Variants in CACNA2D4 observed in about 807,000 individuals in gnomAD.
CACNA2D4 encodes the protein calcium voltage-gated channel auxiliary subunit alpha2delta 4.
A neutral mutation model predicts 163.8 loss-of-function variants in CACNA2D4; 157 were observed. The ratio of observed to expected loss-of-function variants is 0.96; its 90% CI spans 0.84 to 1.09. CACNA2D4 has a LOEUF of 1.09. CACNA2D4 is among the 50% of genes least tolerant of loss of function. The pLI, the probability that CACNA2D4 is intolerant of heterozygous loss-of-function variation, is 0.00. For missense variants in CACNA2D4, 1,410 were observed against 1,479.9 expected (o/e 0.95, Z 0.78); for synonymous variants, 598 against 586.9 (o/e 1.02, Z -0.27).
chr12:1,809,225 C>A (rs1863633871), intron 29 of CACNA2D4, among the ~76,000 whole-genome samples: 1 of 152,252 alleles, frequency 6.6e-6, no homozygotes, highest in African/African-American at 2.4e-5. Flanking sequence ...AAGCCGCATC[C>A]CGGTCAGGCC....
Position 1,829,474 on chromosome 12 carries a change from G to A in CACNA2D4, c.2551+11265C>T, listed in dbSNP as rs113800681. Among the ~76,000 whole-genome samples, 1,102 of 152,140 alleles carry A rather than the reference G, an allele frequency of 7.2e-3. 16 individuals carry two copies. The highest frequency in any genetic ancestry group is 0.025 in the African/African-American group (1,026 of 41,518). On this transcript the variant is annotated intron_variant, in intron 26 of 37. Transcript: ENST00000382722. This position sits in a 1 kb window ranked among gnomAD's most constrained non-coding sequence, Gnocchi z 4.2. Reference sequence around the variant, plus strand: ...CGGTGGCTTCCATGGCTGTACCTGTGCTCACTTCTCGCCAAGAACAGTGAG... The same window carrying A: ...CGGTGGCTTCCATGGCTGTACCTGTACTCACTTCTCGCCAAGAACAGTGAG...
At chr12:1,805,278 G>A (rs1863496365) in intron 29 of CACNA2D4, among the ~76,000 whole-genome samples, 1 of 152,184 alleles carries the variant, frequency 6.6e-6, no homozygotes. Flanking sequence ...TGGGGGCAGA[G>A]GCAGGCGACC....
At position 1,828,882 on chromosome 12, in the gene CACNA2D4, T is replaced by G. The variant is rs896282519; in HGVS notation, c.2551+11857A>C. Among the ~76,000 whole-genome samples, 1 of 152,060 alleles carries G rather than the reference T, an allele frequency of 6.6e-6. No homozygotes were observed. The highest frequency in any genetic ancestry group is 2.4e-5 in the African/African-American group (1 of 41,382). The stretch of plus-strand genomic sequence containing the variant: ...TCAGGGTGAAAGGAGCCCTGAGAAT[T>G]CTCTTTATATGTGGCAAAGGGACCA... On this transcript the variant is annotated intron_variant, in intron 26 of 37. Coordinates refer to ENST00000382722, the MANE Select transcript of CACNA2D4 (RefSeq NM_172364.5). The surrounding 1 kb of genome is among the most constrained non-coding windows in gnomAD (Gnocchi z 4.2).
chr12:1,818,487 A>G (rs4258435), intron 26 of CACNA2D4, among the ~76,000 whole-genome samples: 1 of 151,734 alleles, frequency 6.6e-6, no homozygotes, highest in African/African-American at 2.4e-5. Context: ...CCCTGTGCTC[A>G]CTGAAACATG....
In CACNA2D4 at chr12:1,795,280, G is replaced by T; in HGVS notation, c.3309+19C>A. ...GGGGATGAAAATCCAGCCCACCCTC[G>T]ATCCGCCTCAACCCGCACCTCTGGA... On this transcript the variant is annotated intron_variant, in intron 37 of 37. Coordinates refer to ENST00000382722, the MANE Select transcript of CACNA2D4 (RefSeq NM_172364.5). 1 of 1,611,210 alleles carries T rather than the reference G, an allele frequency of 6.2e-7. No homozygotes were observed. Among genetic ancestry groups the T allele is most frequent in the Non-Finnish European group, 8.5e-7 (1 of 1,178,764 alleles).
At chr12:1,836,349 G>A (rs915765884) in intron 26 of CACNA2D4, 2 of 152,418 alleles carry the variant, frequency 1.3e-5, no homozygotes, top group African/African-American at 4.8e-5. Flanking sequence ...GGCTCAGGAA[G>A]AGGCCAGCAA....
intron 18 of CACNA2D4, among the ~76,000 whole-genome samples, chr12:1,864,573 C>A (rs967361329): frequency 6.6e-6 from 1 of 152,226 alleles, no homozygotes; most frequent in African/African-American, 2.4e-5. Flanking sequence ...GTGCCTGCTG[C>A]CGTGCGGGTG....
intron 29 of CACNA2D4, among the ~76,000 whole-genome samples, chr12:1,803,337 C>G (rs1348970696): frequency 6.6e-6 from 1 of 152,234 alleles, no homozygotes; most frequent in East Asian, 1.9e-4. Flanking sequence ...GATGGTGCAG[C>G]TTCAGGACAA....
At chr12:1,825,352 G>A (rs941210958) in intron 26 of CACNA2D4, among the ~76,000 whole-genome samples, 3 of 152,214 alleles carry the variant, frequency 2.0e-5, no homozygotes, top group Non-Finnish European at 4.4e-5. Flanking sequence ...ATCTGCCTGC[G>A]GCAAGCCAGA....
rs899034700 is a variant in CACNA2D4 at position 1,843,017 on chromosome 12, C to G, written c.2470+1385G>C. 2.2e-4 allele frequency among the ~76,000 whole-genome samples: 33 copies of G among 152,328 alleles called. No homozygotes were observed. The highest frequency in any genetic ancestry group is 7.9e-4 in the African/African-American group (33 of 41,588). On this transcript the variant is annotated intron_variant, in intron 25 of 37. Transcript: ENST00000382722. The surrounding 1 kb of genome is among the most constrained non-coding windows in gnomAD (Gnocchi z 4.6). Reference sequence around the variant, plus strand: ...TTGCTGTGTGACCCCGGGCAAGTTACAGAACCTCTCTGAGCCTCACGTTCT... The same window carrying G: ...TTGCTGTGTGACCCCGGGCAAGTTAGAGAACCTCTCTGAGCCTCACGTTCT...
intron 37 of CACNA2D4, among the ~76,000 whole-genome samples, chr12:1,793,980 A>G (rs1863043896): frequency 6.6e-6 from 1 of 152,064 alleles, no homozygotes; most frequent in African/African-American, 2.4e-5. Context: ...GCTTGCCCTC[A>G]GGCTTGGAGT....
rs1863722933 is a variant in CACNA2D4 at position 1,811,838 on chromosome 12, G to A, written c.2552-115C>T. The A allele has an allele frequency of 8.8e-6, 9 of 1,022,076 alleles. 1 individual carries two copies. The highest frequency in any genetic ancestry group is 5.3e-5 in the East Asian group (2 of 37,576). 63.3% of individuals were successfully genotyped at this position (1,022,076 alleles called of 1,614,324 possible). A position where few individuals can be genotyped will look rare whatever the true frequency, so the allele number is the denominator to read the frequency against. On this transcript the variant is annotated intron_variant, in intron 26 of 37. Coordinates refer to ENST00000382722, the MANE Select transcript of CACNA2D4 (RefSeq NM_172364.5). ...AGGAACTGAGGAGAGAGACCGCAGC[G>A]GATGGGAGGACTGAGTCAGAGGGCA...
chr12:1,844,039 G>T lies in CACNA2D4; in HGVS notation c.2470+363C>A, dbSNP rs1565706388. ...CCTAATGAAACCACCCGTCTGGGTG[G>T]TTTATGAAGCTTTCACAGACATGCA... is the stretch of plus-strand genomic sequence containing the variant. On this transcript the variant is annotated intron_variant, in intron 25 of 37. Coordinates refer to ENST00000382722, the MANE Select transcript of CACNA2D4 (RefSeq NM_172364.5). This position sits in a 1 kb window ranked among gnomAD's most constrained non-coding sequence, Gnocchi z 4.2. Among the ~76,000 whole-genome samples, 1 of 152,202 alleles carries T rather than the reference G, an allele frequency of 6.6e-6. No individual in the cohort carries two copies. The highest frequency in any genetic ancestry group is 1.5e-5 in the Non-Finnish European group (1 of 68,040).
At chr12:1,839,437 C>G (rs752959551) in intron 26 of CACNA2D4, among the ~76,000 whole-genome samples, 4 of 152,266 alleles carry the variant, frequency 2.6e-5, no homozygotes, top group Non-Finnish European at 5.9e-5. Context: ...TCAGGAGAAG[C>G]TTGTGAGGGT....
chr12:1,907,811 T>C, intron 5 of CACNA2D4, 64 bp downstream of exon 5: 1 of 1,566,078 alleles, frequency 6.4e-7, no homozygotes, highest in Non-Finnish European at 8.7e-7. Flanking sequence ...CTGGTGGGCG[T>C]GTCTGGTGGG....
At chr12:1,886,087 T>A (rs1430869956) in intron 8 of CACNA2D4, 48 bp from the exon 9 acceptor site, 2 of 1,564,550 alleles carry the variant, frequency 1.3e-6, no homozygotes. Context: ...ATAAACAGCA[T>A]CAGGTTGCAA....
At chr12:1,847,952 ATTT>A (rs1210440792) in intron 23 of CACNA2D4, among the ~76,000 whole-genome samples, 1 of 152,190 alleles carries the variant, frequency 6.6e-6, no homozygotes, top group Admixed American at 6.5e-5. Context: ...CGCCTCGCGA[ATTT>A]TTTTAAGTTT....
intron 18 of CACNA2D4, among the ~76,000 whole-genome samples, chr12:1,871,554 T>C (rs894798929): frequency 1.3e-5 from 2 of 149,616 alleles, no homozygotes; most frequent in Non-Finnish European, 3.0e-5. Context: ...TGTGTACACG[T>C]GTGTGCTGGT....
At chr12:1,821,644 C>A (rs1047099974) in intron 26 of CACNA2D4, among the ~76,000 whole-genome samples, 1 of 152,156 alleles carries the variant, frequency 6.6e-6, no homozygotes, top group Non-Finnish European at 1.5e-5. Context: ...CGGGGCCAGG[C>A]CTGCCTGGCT....
Sources: gnomAD v4.1 joint callset for allele counts (sites outside exome capture counted in the v4.1 genomes callset) on GRCh38, gnomAD v4.1.1 for gene constraint, Gnocchi (gnomAD v3.1) non-coding constraint, MANE v1.5 for transcripts, NCBI Gene and HGNC (gene_info 2026-07-23, HGNC 2026-07-21) for gene names.